CAMSAP1: variants seen among roughly 807,000 people sequenced by gnomAD.
CAMSAP1 encodes the protein calmodulin regulated spectrin associated protein 1.
CAMSAP1 carries 58 observed loss-of-function variants against 143.5 expected under a neutral mutation model. That is an observed-to-expected ratio of 0.40 (90% confidence interval 0.33 to 0.50). The LOEUF is 0.50. Ranked by LOEUF, CAMSAP1 falls within the 20% of genes least tolerant of loss-of-function variation. The probability of loss-of-function intolerance (pLI) is 0.45; values close to 1 mark genes in which losing one functional copy is unlikely to be tolerated. For synonymous variants in CAMSAP1, 945 were observed against 859.3 expected (o/e 1.10, Z -1.74); for missense variants, 1,969 against 2,115.7 (o/e 0.93, Z 1.36).
At chr9:135,880,110 T>C (rs2130979712) in intron 3 of CAMSAP1, among the ~76,000 whole-genome samples, 1 of 152,240 alleles carries the variant, frequency 6.6e-6, no homozygotes, top group South Asian at 2.1e-4. Flanking sequence ...TCATTTCTAA[T>C]ACGAGGAAAA....
At position 135,821,241 on chromosome 9, in the gene CAMSAP1, G is replaced by C; in HGVS notation, c.3420C>G (p.Ser1140Arg). ...LPHLRPFPASSHPRTPTDPGL... is the reference protein window; with the variant it reads ...LPHLRPFPASRHPRTPTDPGL... Reference sequence around the variant, plus strand: ...CAGGGTCCGTGGGCGTCCGAGGGTGGCTGCTGGCAGGGAAGGGTCTCAAGT... The same window carrying C: ...CAGGGTCCGTGGGCGTCCGAGGGTGCCTGCTGGCAGGGAAGGGTCTCAAGT... Residue 1140 changes from serine (S) to arginine (R), a missense_variant, in exon 11 of 17, where the codon AGC (serine) becomes AGG (arginine). Ser to Arg is a moderately radical substitution (Grantham distance 110). Coordinates refer to ENST00000389532, the MANE Select transcript of CAMSAP1 (RefSeq NM_015447.4). The surrounding 1 kb of genome is among the most constrained non-coding windows in gnomAD (Gnocchi z 4.6). 2 of 1,608,240 alleles carry C rather than the reference G, an allele frequency of 1.2e-6. No homozygotes were observed. Among genetic ancestry groups the C allele is most frequent in the Non-Finnish European group, 1.7e-6 (2 of 1,179,722 alleles).
intron 1 of CAMSAP1, among the ~76,000 whole-genome samples, chr9:135,885,555 G>C (rs1189853708): frequency 2.0e-5 from 3 of 152,224 alleles, no homozygotes; most frequent in Admixed American, 6.5e-5. Context: ...GAGAATGGCA[G>C]AGCCTACCTC....
intron 5 of CAMSAP1, among the ~76,000 whole-genome samples, chr9:135,854,818 T>A (rs2130913783): frequency 6.6e-6 from 1 of 152,280 alleles, no homozygotes; most frequent in African/African-American, 2.4e-5. Context: ...CCTTGTTACA[T>A]AGGTAACCTC....
intron 16 of CAMSAP1, among the ~76,000 whole-genome samples, chr9:135,813,138 G>A (rs962344479): frequency 1.7e-4 from 26 of 152,156 alleles, no homozygotes; most frequent in Admixed American, 9.2e-4. Flanking sequence ...CTCCACATGC[G>A]GCCCAGGCAT....
In CAMSAP1 at chr9:135,822,556, A is replaced by G; in HGVS notation, c.2105T>C (p.Leu702Pro). The G allele has an allele frequency of 1.2e-6, 2 of 1,613,806 alleles. No homozygotes were observed. Among genetic ancestry groups the G allele is most frequent in the Non-Finnish European group, 1.7e-6 (2 of 1,179,866 alleles). The change falls in exon 11 of 17, where the codon CTT becomes CCT. Residue 702 changes from leucine to proline, a missense_variant. Leu to Pro is a moderately conservative substitution (Grantham distance 98, BLOSUM62 -3). Around this residue, in one of 4 missense-constraint regions of CAMSAP1, gnomAD observed 1,390 missense variants for 1,420.8 expected, o/e 0.98. Transcript: ENST00000389532. This position sits in a 1 kb window ranked among gnomAD's most constrained non-coding sequence, Gnocchi z 6.1. ...GTCTTCATCGGCCCTGCCTACATGA[A>G]GGAAGAAGCCATCCGTGGATGGTCC... ...PQGPSTDGFF[L>P]HVGRADEDTE...
At position 135,867,469 on chromosome 9, in the gene CAMSAP1, A is replaced by ACCCCC. The variant is rs371398774; in HGVS notation, c.586-938_586-934dup. Among the ~76,000 whole-genome samples the ACCCCC allele has an allele frequency of 1.9e-3, 232 of 123,622 alleles. 2 individuals are homozygous for ACCCCC. The highest frequency in any genetic ancestry group is 5.6e-3 in the African/African-American group (197 of 34,950). The allele number at this position is 123,622 out of a possible 152,430, so 81.1% of individuals were successfully genotyped here. On this transcript the variant is annotated intron_variant, in intron 3 of 16. Coordinates refer to ENST00000389532, the MANE Select transcript of CAMSAP1 (RefSeq NM_015447.4). ...ACGCCAGCCTAGGCAACACAGCAAG[A>ACCCCC]CCCCCCTCTTTTTTTTTTTTAAAAA...
Position 135,811,587 on chromosome 9 carries a change from G to A in CAMSAP1, c.4531C>T (p.His1511Tyr). The A allele has an allele frequency of 6.3e-7, 1 of 1,594,596 alleles. No individual in the cohort carries two copies. Among genetic ancestry groups the A allele is most frequent in the South Asian group, 1.1e-5 (1 of 87,992 alleles). Residue 1511 changes from histidine to tyrosine, a missense_variant, in exon 17 of 17, where the codon CAC becomes TAC. Coordinates refer to ENST00000389532, the MANE Select transcript of CAMSAP1 (RefSeq NM_015447.4). The surrounding 1 kb of genome is among the most constrained non-coding windows in gnomAD (Gnocchi z 4.9). ...GCATCACGAAACAGTATGATGTAGT[G>A]ATTGGCATCACACTTCTCCAGCTCC... ...LEELEKCDAN[H>Y]YIILFRDAGC... is the part of the protein sequence containing the mutation.
In CAMSAP1 at chr9:135,848,529, A is replaced by ACATGCACACACACG. The variant is rs1377614269; in HGVS notation, c.1045+1594_1045+1607dup. Among the ~76,000 whole-genome samples, 1,280 of 152,126 alleles carry ACATGCACACACACG rather than the reference A, an allele frequency of 8.4e-3. 26 individuals are homozygous for ACATGCACACACACG. Among genetic ancestry groups the ACATGCACACACACG allele is most frequent in the African/African-American group, 0.029 (1,221 of 41,484 alleles). ...GACACACACACACACACACGCTCAC[A>ACATGCACACACACG]CATGCACACACACGCATGCACACAC... is the stretch of plus-strand genomic sequence containing the variant. On this transcript the variant is annotated intron_variant, in intron 7 of 16. Transcript: ENST00000389532.
chr9:135,899,090 G>C (rs1326401267), intron 1 of CAMSAP1, among the ~76,000 whole-genome samples: 1 of 152,188 alleles, frequency 6.6e-6, no homozygotes, highest in Non-Finnish European at 1.5e-5. Context: ...ATGCACAGAG[G>C]AAACTCATCT....
At chr9:135,856,018 C>G (rs1428329259) in intron 5 of CAMSAP1, among the ~76,000 whole-genome samples, 3 of 152,142 alleles carry the variant, frequency 2.0e-5, no homozygotes, top group Non-Finnish European at 4.4e-5. Context: ...TACCACTGCA[C>G]TCCAGCATAG....
chr9:135,874,489 G>GT (rs940687708), intron 3 of CAMSAP1, among the ~76,000 whole-genome samples: 1 of 144,948 alleles, frequency 6.9e-6, no homozygotes. Flanking sequence ...GGGGGGGGGG[G>GT]GCCACAGGGG....
chr9:135,843,852 C>T (rs7032240), intron 7 of CAMSAP1, among the ~76,000 whole-genome samples: 19,634 of 131,984 alleles, frequency 0.15, 1,664 homozygotes, highest in East Asian at 0.35. Flanking sequence ...CCAACCTGGG[C>T]GACAGAGCAA....
rs762605730 is a variant in CAMSAP1 at position 135,818,027 on chromosome 9, C to T, written c.4221G>A (p.Ala1407=). ...GAACGCTCTCGGGTTCTGTCGTCGC[C>T]GCAGAGGCCAAGGACAGGCTGGAGC... The part of the protein sequence containing the change: ...QSGSSLSLAS[A]ATTEPESVHS... The change falls in exon 14 of 17, where the codon GCG becomes GCA. Residue 1407 remains alanine (A), a synonymous_variant. Coordinates refer to ENST00000389532, the MANE Select transcript of CAMSAP1 (RefSeq NM_015447.4). The surrounding 1 kb of genome is among the most constrained non-coding windows in gnomAD (Gnocchi z 7.7). 1.9e-6 allele frequency: 3 copies of T among 1,613,842 alleles called. No homozygotes were observed. Among genetic ancestry groups the T allele is most frequent in the East Asian group, 2.2e-5 (1 of 44,886 alleles).
chr9:135,869,347 AC>A (rs1332711937), intron 3 of CAMSAP1, among the ~76,000 whole-genome samples: 1 of 152,070 alleles, frequency 6.6e-6, no homozygotes, highest in Non-Finnish European at 1.5e-5. Context: ...TACAAAAAAT[AC>A]AAAAATTAGT....
chr9:135,872,299 C>T (rs1018522746), intron 3 of CAMSAP1, among the ~76,000 whole-genome samples: 25 of 152,038 alleles, frequency 1.6e-4, no homozygotes, highest in East Asian at 1.5e-3. Context: ...CAAAGGTCAG[C>T]GAGGAAAAGA....
At position 135,826,844 on chromosome 9, in the gene CAMSAP1, C is replaced by T. The variant is rs1835692515; in HGVS notation, c.1223+563G>A. 1.3e-5 allele frequency among the ~76,000 whole-genome samples: 2 copies of T among 152,164 alleles called. No homozygotes were observed. Among genetic ancestry groups the T allele is most frequent in the Admixed American group, 1.3e-4 (2 of 15,280 alleles). ...CCCAATTCTGGCACAGTCAATTCTA[C>T]CCCAGATATGGTTATCCAAATTAGG... On this transcript the variant is annotated intron_variant, in intron 8 of 16. Transcript: ENST00000389532. The surrounding 1 kb of genome is among the most constrained non-coding windows in gnomAD (Gnocchi z 4.4).
At chr9:135,823,339 C>G in intron 10 of CAMSAP1, 79 bp from the exon 11 acceptor site, 1 of 1,457,974 alleles carries the variant, frequency 6.9e-7, no homozygotes, top group Non-Finnish European at 9.1e-7. Context: ...GGTGAGAATG[C>G]CGGCCACACA....
In CAMSAP1 at chr9:135,824,769, G is replaced by A; in HGVS notation, c.1315+20C>T. The A allele has an allele frequency of 1.4e-6, 2 of 1,479,262 alleles. No individual in the cohort carries two copies. Among genetic ancestry groups the A allele is most frequent in the East Asian group, 2.4e-5 (1 of 41,788 alleles). The allele number at this position is 1,479,262 out of a possible 1,614,324, so 91.6% of individuals were successfully genotyped here. A position where few individuals can be genotyped will look rare whatever the true frequency, so the allele number is the denominator to read the frequency against. ...TAGTAAGGAGAAATTAAGGAAAAAA[G>A]GAGGAAACAACATTCTTACCAGGGA... On this transcript the variant is annotated intron_variant, in intron 9 of 16. Coordinates refer to ENST00000389532, the MANE Select transcript of CAMSAP1 (RefSeq NM_015447.4). The surrounding 1 kb of genome is among the most constrained non-coding windows in gnomAD (Gnocchi z 4.1).
At chr9:135,828,534 A>G (rs1835753925) in intron 7 of CAMSAP1, among the ~76,000 whole-genome samples, 2 of 152,342 alleles carry the variant, frequency 1.3e-5, no homozygotes, top group South Asian at 4.1e-4. Context: ...CAACCCAAGA[A>G]GGCTGCAAGG....
Sources: allele counts gnomAD v4.1 joint callset (sites outside exome capture counted in the v4.1 genomes callset), GRCh38; gene constraint gnomAD v4.1.1; regional missense constraint gnomAD v4.1.1; non-coding constraint Gnocchi (gnomAD v3.1); transcripts MANE v1.5; gene names NCBI Gene and HGNC (gene_info 2026-07-23, HGNC 2026-07-21).